The following LYPLAL1 variants were observed in gnomAD, a reference collection of about 807,000 sequenced individuals.
LYPLAL1 encodes lysophospholipase-like protein 1.
A neutral mutation model predicts 19.7 loss-of-function variants in LYPLAL1; 23 were observed. The ratio of observed to expected loss-of-function variants is 1.17; its 90% CI spans 0.84 to 1.65. The LOEUF is 1.65. Among genes scored for constraint, LYPLAL1 ranks in the 40% most tolerant of loss-of-function variants. LYPLAL1 has a pLI of 0.00. For missense variants in LYPLAL1, 355 were observed against 279.4 expected (o/e 1.27, Z -1.93); for synonymous variants, 119 against 96.3 (o/e 1.24, Z -1.38).
the LYPLAL1 span, among the ~76,000 whole-genome samples, chr1:219,340,108 T>C: frequency 1.3e-3 from 202 of 152,182 alleles, 2 homozygotes; most frequent in African/African-American, 4.7e-3. Flanking sequence ...TAAATATTTA[T>C]CTTATAAAAA....
the LYPLAL1 span, among the ~76,000 whole-genome samples, chr1:219,415,151 A>G: frequency 6.6e-6 from 1 of 152,226 alleles, no homozygotes; most frequent in African/African-American, 2.4e-5. Context: ...AAAGTCTTTT[A>G]TCTGTCACCA....
the LYPLAL1 span, among the ~76,000 whole-genome samples, chr1:219,285,377 G>C: frequency 6.6e-6 from 1 of 152,162 alleles, no homozygotes; most frequent in African/African-American, 2.4e-5. Context: ...TAAATGAGAG[G>C]TGCTTCACAT....
chr1:219,351,301 C>T, the LYPLAL1 span, among the ~76,000 whole-genome samples: 2 of 151,802 alleles, frequency 1.3e-5, no homozygotes, highest in South Asian at 4.2e-4. Context: ...ACTGGTAGCT[C>T]ATTGTTGGGA....
the LYPLAL1 span, among the ~76,000 whole-genome samples, chr1:219,400,370 A>T: frequency 6.6e-6 from 1 of 152,148 alleles, no homozygotes; most frequent in South Asian, 2.1e-4. Context: ...ACCCAGAGTG[A>T]TAAATCTATG....
the LYPLAL1 span, among the ~76,000 whole-genome samples, chr1:219,229,731 T>C: frequency 6.6e-6 from 1 of 152,200 alleles, no homozygotes; most frequent in Non-Finnish European, 1.5e-5. Context: ...CCCGTCTGAA[T>C]GCTCTCCTAG....
chr1:219,232,865 A>T, the LYPLAL1 span, among the ~76,000 whole-genome samples: 1 of 46,232 alleles, frequency 2.2e-5, no homozygotes, highest in Admixed American at 3.7e-4. Flanking sequence ...GCTACTATTT[A>T]AAAAAAAAAA....
At chr1:219,372,421 T>C in the LYPLAL1 span, among the ~76,000 whole-genome samples, 1 of 152,168 alleles carries the variant, frequency 6.6e-6, no homozygotes. Flanking sequence ...CCAAGACCCA[T>C]AGGTGAAGTA....
the LYPLAL1 span, among the ~76,000 whole-genome samples, chr1:219,417,463 C>T: frequency 2.6e-5 from 4 of 152,278 alleles, no homozygotes; most frequent in Non-Finnish European, 5.9e-5. Context: ...TCTTTGAGGG[C>T]TATCATTCTA....
chr1:219,321,297 T>A, the LYPLAL1 span, among the ~76,000 whole-genome samples: 1 of 152,230 alleles, frequency 6.6e-6, no homozygotes, highest in Non-Finnish European at 1.5e-5. Context: ...TGTTTGATTT[T>A]TTCTTGTAAA....
chr1:219,217,957 A>G, the LYPLAL1 span, among the ~76,000 whole-genome samples: 1 of 152,046 alleles, frequency 6.6e-6, no homozygotes, highest in African/African-American at 2.4e-5. Context: ...GAGACACATT[A>G]GGATGTGAGT....
chr1:219,218,502 G>GT, the LYPLAL1 span, among the ~76,000 whole-genome samples: 2 of 116,048 alleles, frequency 1.7e-5, no homozygotes. Flanking sequence ...GACTTTTTTT[G>GT]CCTTTTTTTT....
At chr1:219,330,560 G>A in the LYPLAL1 span, among the ~76,000 whole-genome samples, 22 of 152,120 alleles carry the variant, frequency 1.4e-4, no homozygotes, top group Non-Finnish European at 2.2e-4. Flanking sequence ...AGATAGCAAT[G>A]CTTTTATATG....
At chr1:219,346,566 CAT>C in the LYPLAL1 span, among the ~76,000 whole-genome samples, 28 of 149,988 alleles carry the variant, frequency 1.9e-4, no homozygotes, top group South Asian at 3.4e-3. Context: ...GGCACACAAA[CAT>C]GTGTGCAGGA....
the LYPLAL1 span, among the ~76,000 whole-genome samples, chr1:219,232,755 A>G: frequency 6.6e-6 from 1 of 152,160 alleles, no homozygotes; most frequent in Non-Finnish European, 1.5e-5. Flanking sequence ...AAGAAGATAT[A>G]TAAATGACCA....
At chr1:219,335,599 AT>A in the LYPLAL1 span, among the ~76,000 whole-genome samples, 1 of 151,674 alleles carries the variant, frequency 6.6e-6, no homozygotes, top group East Asian at 1.9e-4. Context: ...GCAGAATAAA[AT>A]TTTTTAAAAA....
At chr1:219,244,793 A>C in the LYPLAL1 span, among the ~76,000 whole-genome samples, 1 of 151,986 alleles carries the variant, frequency 6.6e-6, no homozygotes, top group African/African-American at 2.4e-5. Flanking sequence ...TAAAAATATA[A>C]AAAGTTAGCC....
At chr1:219,337,001 T>G in the LYPLAL1 span, among the ~76,000 whole-genome samples, 1 of 152,008 alleles carries the variant, frequency 6.6e-6, no homozygotes, top group East Asian at 1.9e-4. Flanking sequence ...GGGGAGCCTG[T>G]TTCTTACCTC....
At chr1:219,395,493 G>T in the LYPLAL1 span, among the ~76,000 whole-genome samples, 1 of 152,002 alleles carries the variant, frequency 6.6e-6, no homozygotes. Context: ...GTATATTTAA[G>T]TTCCTTATAA....
chr1:219,222,811 G>A, the LYPLAL1 span: 1 of 152,136 alleles, frequency 6.6e-6, no homozygotes, highest in Non-Finnish European at 1.5e-5. Context: ...TTTGGTGTCT[G>A]GCGAAGGTTG....
Sources: gnomAD v4.1 joint callset for allele counts (sites outside exome capture counted in the v4.1 genomes callset) on GRCh38, gnomAD v4.1.1 for gene constraint, MANE v1.5 for transcripts, NCBI Gene and HGNC (gene_info 2026-07-23, HGNC 2026-07-21) for gene names.